ZFHX3: variants seen among roughly 807,000 people sequenced by gnomAD.
ZFHX3 encodes zinc finger homeobox protein 3.
ZFHX3 carries 42 observed loss-of-function variants against 279.1 expected under a neutral mutation model. That is an observed-to-expected ratio of 0.15 (90% CI 0.12 to 0.19). The LOEUF is 0.19. ZFHX3 is among the 10% of genes least tolerant of loss of function. ZFHX3 has a pLI of 1.00. For missense variants in ZFHX3, 4,981 were observed against 4,754.0 expected (o/e 1.05, Z -1.40); for synonymous variants, 2,293 against 1,957.8 (o/e 1.17, Z -4.52).
intron 1 of ZFHX3, among the ~76,000 whole-genome samples, chr16:72,963,511 A>C (rs1961687424): frequency 6.6e-6 from 1 of 152,146 alleles, no homozygotes; most frequent in South Asian, 2.1e-4. Context: ...TCTTGTACAG[A>C]AGAATTCCAG....
chr16:72,796,940 C>A lies in ZFHX3; in HGVS notation c.5742G>T (p.Lys1914Asn), dbSNP rs1301054449. Residue 1914 changes from lysine (K) to asparagine (N), a missense_variant, in exon 9 of 10, where the codon AAG becomes AAT. Around this residue, in one of 7 missense-constraint regions of ZFHX3, gnomAD observed 1,751 missense variants for 1,770.0 expected, o/e 0.99. Transcript: ENST00000268489. ...GTGCCAACTCTTTCTTCTCTTTGGC[C>A]TTCAAGGCATCTGGCAGTGTTTCCT... The part of the protein sequence containing the change: ...GPKETLPDAL[K>N]AKEKKELAPG... The A allele has an allele frequency of 1.8e-5, 29 of 1,613,876 alleles. No individual in the cohort carries two copies. Among genetic ancestry groups the A allele is most frequent in the Non-Finnish European group, 2.5e-5 (29 of 1,180,010 alleles).
intron 4 of ZFHX3, among the ~76,000 whole-genome samples, chr16:72,854,076 G>C (rs755202535): frequency 4.6e-5 from 7 of 152,222 alleles, no homozygotes; most frequent in African/African-American, 9.6e-5. Flanking sequence ...GGCAGCTCCA[G>C]CATTTGCACA....
At chr16:73,214,726 C>G (rs1269871593) in intron 5 of ZFHX3, among the ~76,000 whole-genome samples, 1 of 152,024 alleles carries the variant, frequency 6.6e-6, no homozygotes, top group Non-Finnish European at 1.5e-5. Context: ...TACAACTCAA[C>G]ACAAGAGCCT....
At chr16:73,276,265 C>A (rs1005214841) in intron 4 of ZFHX3, among the ~76,000 whole-genome samples, 13 of 151,424 alleles carry the variant, frequency 8.6e-5, no homozygotes, top group African/African-American at 2.7e-4. Flanking sequence ...CTCACTGCAA[C>A]CTCCACCTCC....
chr16:72,873,270 C>G (rs1163146546), intron 4 of ZFHX3, among the ~76,000 whole-genome samples: 1 of 152,202 alleles, frequency 6.6e-6, no homozygotes, highest in African/African-American at 2.4e-5. Context: ...CTGCAAAGCT[C>G]AACATGCCCT....
chr16:73,471,011 G>T (rs2018656409), intron 2 of ZFHX3, among the ~76,000 whole-genome samples: 1 of 152,182 alleles, frequency 6.6e-6, no homozygotes, highest in Non-Finnish European at 1.5e-5. Flanking sequence ...GATTGCTAAG[G>T]ATGGCATTCA....
At chr16:73,796,345 T>C (rs1248661190) in intron 1 of ZFHX3, 2 of 152,268 alleles carry the variant, frequency 1.3e-5, no homozygotes, top group African/African-American at 4.8e-5. Flanking sequence ...GAAAAAATAA[T>C]GTTGCTGGTA....
At chr16:72,936,671 A>T (rs926253024) in intron 3 of ZFHX3, among the ~76,000 whole-genome samples, 1 of 152,248 alleles carries the variant, frequency 6.6e-6, no homozygotes, top group African/African-American at 2.4e-5. Flanking sequence ...CAAAGGGGAG[A>T]GGGTTGTAAA....
At chr16:73,075,248 A>G (rs1597148559) in intron 8 of ZFHX3, among the ~76,000 whole-genome samples, 1 of 150,638 alleles carries the variant, frequency 6.6e-6, no homozygotes, top group East Asian at 2.0e-4. Flanking sequence ...CAGGAATTTG[A>G]GGCTGCAGTG....
At chr16:73,334,810 C>CCTTTTTT (rs1555510772) in intron 3 of ZFHX3, among the ~76,000 whole-genome samples, 674 of 57,920 alleles carry the variant, frequency 0.012, 100 homozygotes, top group South Asian at 0.079. Flanking sequence ...CTTTCTCATT[C>CCTTTTTT]TTTTTTTTTT....
At chr16:73,359,521 C>T (rs1046341479) in intron 3 of ZFHX3, among the ~76,000 whole-genome samples, 5 of 152,128 alleles carry the variant, frequency 3.3e-5, no homozygotes, top group South Asian at 2.1e-4. Context: ...AGTTTAGAGG[C>T]GGAAGAACCT....
intron 2 of ZFHX3, among the ~76,000 whole-genome samples, chr16:73,494,454 T>A (rs2019103882): frequency 6.6e-6 from 1 of 152,182 alleles, no homozygotes; most frequent in African/African-American, 2.4e-5. Context: ...CCTTGTTTCT[T>A]CCTCCCCATT....
intron 3 of ZFHX3, among the ~76,000 whole-genome samples, chr16:73,439,554 C>T (rs1425557848): frequency 1.3e-5 from 2 of 152,108 alleles, no homozygotes; most frequent in African/African-American, 4.8e-5. Context: ...CTCTTTCACT[C>T]CCTGTGTGAT....
intron 1 of ZFHX3, among the ~76,000 whole-genome samples, chr16:73,717,198 C>A (rs1204883702): frequency 1.3e-5 from 2 of 152,162 alleles, no homozygotes; most frequent in Non-Finnish European, 2.9e-5. Context: ...AATGCACCTG[C>A]AGATATTGTC....
At chr16:73,683,101 C>T (rs1001949515) in intron 1 of ZFHX3, among the ~76,000 whole-genome samples, 2 of 152,168 alleles carry the variant, frequency 1.3e-5, no homozygotes, top group African/African-American at 4.8e-5. Flanking sequence ...AACATTTTTA[C>T]TCTTACACAT....
intron 2 of ZFHX3, among the ~76,000 whole-genome samples, chr16:73,652,231 G>C (rs530233340): frequency 2.0e-5 from 3 of 152,268 alleles, no homozygotes; most frequent in East Asian, 1.9e-4. Context: ...CCCACATGTG[G>C]GCAGGAGCTT....
chr16:73,012,400 A>G (rs992198044), intron 1 of ZFHX3, among the ~76,000 whole-genome samples: 2 of 122,356 alleles, frequency 1.6e-5, no homozygotes, highest in African/African-American at 7.4e-5. Flanking sequence ...CATTTGAACC[A>G]TATGGAATCA....
chr16:72,850,099 C>A (rs1013145375), intron 4 of ZFHX3, among the ~76,000 whole-genome samples: 2 of 152,182 alleles, frequency 1.3e-5, no homozygotes, highest in Non-Finnish European at 2.9e-5. Context: ...AGGCCCCAGA[C>A]TGGACTAGGG....
chr16:72,936,179 T>C (rs1960113899), intron 3 of ZFHX3, among the ~76,000 whole-genome samples: 1 of 152,198 alleles, frequency 6.6e-6, no homozygotes, highest in African/African-American at 2.4e-5. Context: ...ACACAAGCCA[T>C]CCACTTTACA....
Sources: gnomAD v4.1 joint callset for allele counts (sites outside exome capture counted in the v4.1 genomes callset) on GRCh38, gnomAD v4.1.1 for gene constraint, gnomAD v4.1.1 regional missense constraint, MANE v1.5 for transcripts, NCBI Gene and HGNC (gene_info 2026-07-23, HGNC 2026-07-21) for gene names.